Variants in ACP6 observed in about 807,000 individuals in gnomAD.
ACP6 encodes the protein acid phosphatase 6, lysophosphatidic.
In ACP6, 48 loss-of-function variants were observed where a neutral mutation model predicts 48.1. The ratio of observed to expected loss-of-function variants is 1.00; its 90% CI spans 0.79 to 1.27. The LOEUF (loss-of-function observed/expected upper bound fraction) is 1.27. Ranked by LOEUF, ACP6 falls within the 50% of genes most tolerant of loss-of-function variation. The pLI, the probability that ACP6 is intolerant of heterozygous loss-of-function variation, is 0.00. For missense variants in ACP6, 485 were observed against 529.1 expected, an observed-to-expected ratio of 0.92 and a Z score of 0.82; for synonymous variants, 172 against 204.2, an observed-to-expected ratio of 0.84 and a Z score of 1.34.
At chr1:147,637,957 C>T (rs375662143), downstream of ACP6, among the ~76,000 whole-genome samples, 30 of 152,264 alleles carry the variant, frequency 2.0e-4, no homozygotes, top group East Asian at 3.9e-4. Flanking sequence ...TTGAAAAAAA[C>T]GTGTCCAACA....
intron 1 of ACP6, among the ~76,000 whole-genome samples, chr1:147,668,085 T>C (rs1553213954): frequency 6.6e-6 from 1 of 152,204 alleles, no homozygotes; most frequent in Non-Finnish European, 1.5e-5. Flanking sequence ...AGGCTAATAT[T>C]TGCTCATAGC....
At chr1:147,652,390 C>T in intron 7 of ACP6, 59 bp downstream of exon 7, 1 of 1,528,826 alleles carries the variant, frequency 6.5e-7, no homozygotes, top group South Asian at 1.2e-5. Context: ...ACTCCTCTTC[C>T]CCATACACTT....
At chr1:147,650,014 G>T in intron 8 of ACP6, 129 bp downstream of exon 8, 1 of 688,856 alleles carries the variant, frequency 1.5e-6, no homozygotes, top group Non-Finnish European at 2.5e-6. Context: ...GACACTTGAG[G>T]CCTGTTAAAC....
chr1:147,655,292 T>G, intron 4 of ACP6, 44 bp from the exon 5 acceptor site: 1 of 1,436,288 alleles, frequency 7.0e-7, no homozygotes, highest in Non-Finnish European at 9.6e-7. Flanking sequence ...GGCTTCAGCT[T>G]GTTCTTCCCA....
At chr1:147,653,190 G>C in intron 6 of ACP6, among the ~76,000 whole-genome samples, 1 of 151,906 alleles carries the variant, frequency 6.6e-6, no homozygotes, top group East Asian at 1.9e-4. Flanking sequence ...GAATGCAGTG[G>C]CGTGATCTCG....
exon 6 of ACP6, chr1:147,630,593 C>G (rs1300042988): frequency 6.6e-6 from 1 of 152,190 alleles, no homozygotes; most frequent in Admixed American, 6.5e-5. Context: ...CCCCATGAAT[C>G]AATCTGTGAT....
chr1:147,659,153 G>T, intron 3 of ACP6, 114 bp from the exon 4 acceptor site: 1 of 1,127,008 alleles, frequency 8.9e-7, no homozygotes, highest in Non-Finnish European at 1.3e-6. Flanking sequence ...GGAGAGCTAT[G>T]GAACTAGGAA....
intron 5 of ACP6, among the ~76,000 whole-genome samples, chr1:147,636,824 G>C (rs1011160965): frequency 6.6e-6 from 1 of 152,196 alleles, no homozygotes; most frequent in Non-Finnish European, 1.5e-5. Flanking sequence ...TCTAGCTGAA[G>C]CAGAAAATCA....
At chr1:147,659,095 C>A (rs933662327) in intron 3 of ACP6, 56 bp from the exon 4 acceptor site, 2 of 1,486,022 alleles carry the variant, frequency 1.3e-6, no homozygotes, top group Admixed American at 1.8e-5. Context: ...ATTATATACA[C>A]TCTATTTTAT....
chr1:147,634,485 C>G (rs1553207771), intron 5 of ACP6, among the ~76,000 whole-genome samples: 1 of 150,546 alleles, frequency 6.6e-6, no homozygotes, highest in Non-Finnish European at 1.5e-5. Context: ...ATTTTCTTTC[C>G]TTGCCTGGGC....
At chr1:147,660,400 C>T (rs1660489142) in intron 1 of ACP6, among the ~76,000 whole-genome samples, 1 of 152,194 alleles carries the variant, frequency 6.6e-6, no homozygotes, top group Non-Finnish European at 1.5e-5. Context: ...GTTCATAAAA[C>T]TCTGACACTC....
At chr1:147,635,745 T>A in intron 5 of ACP6, among the ~76,000 whole-genome samples, 1 of 152,154 alleles carries the variant, frequency 6.6e-6, no homozygotes, top group East Asian at 1.9e-4. Context: ...TATTTCTCTA[T>A]GGGAGTGAGA....
chr1:147,643,562 A>C lies in ACP6; in HGVS notation c.*3861T>G, dbSNP rs1399940343. 6.6e-6 allele frequency: 1 copy of C among 152,244 alleles called. No individual in the cohort carries two copies. Among genetic ancestry groups the C allele is most frequent in the East Asian group, 1.9e-4 (1 of 5,196 alleles). The allele number at this position is 152,244 out of a possible 1,614,324, so 9.4% of individuals were successfully genotyped here. ...CTAGGAGAGCATTCCAGGCACAGGA[A>C]CAACAGGTGCTCACCCCGAGGTGAG... On this transcript the variant is annotated 3_prime_UTR_variant, in exon 10 of 10. Transcript: ENST00000583509.
At chr1:147,656,839 T>A (rs1387379717) in intron 4 of ACP6, among the ~76,000 whole-genome samples, 24 of 152,046 alleles carry the variant, frequency 1.6e-4, no homozygotes, top group Non-Finnish European at 1.2e-4. Context: ...AATATTTGAG[T>A]AAAAAAGAAC....
At chr1:147,647,923 A>G (rs1216883483) in intron 9 of ACP6, 2 of 484,998 alleles carry the variant, frequency 4.1e-6, no homozygotes, top group African/African-American at 3.9e-5. Context: ...CCTCCCAAAG[A>G]TACCACCAAC....
At chr1:147,662,769 T>A (rs1335117277) in intron 1 of ACP6, among the ~76,000 whole-genome samples, 1 of 152,250 alleles carries the variant, frequency 6.6e-6, no homozygotes, top group Non-Finnish European at 1.5e-5. Flanking sequence ...TTGAGAAGAT[T>A]GACTCCAATT....
intron 1 of ACP6, among the ~76,000 whole-genome samples, chr1:147,661,584 A>C (rs587694824): frequency 6.6e-6 from 1 of 152,164 alleles, no homozygotes; most frequent in Non-Finnish European, 1.5e-5. Flanking sequence ...AATGGCCTCT[A>C]AGTGTTAAGT....
Position 147,670,093 on chromosome 1 carries a change from A to G in ACP6, c.-45T>C, listed in dbSNP as rs1553214482. 1 of 1,448,182 alleles carries G rather than the reference A, an allele frequency of 6.9e-7. No individual in the cohort carries two copies. Among genetic ancestry groups the G allele is most frequent in the Non-Finnish European group, 9.1e-7 (1 of 1,092,956 alleles). 89.7% of individuals were successfully genotyped at this position (1,448,182 alleles called of 1,614,324 possible). A position where few individuals can be genotyped will look rare whatever the true frequency, so the allele number is the denominator to read the frequency against. On this transcript the variant is annotated 5_prime_UTR_variant, in exon 1 of 10. Coordinates refer to ENST00000583509, the MANE Select transcript of ACP6 (RefSeq NM_016361.5). ...CCTCCGGGTTGAGGCTGCAGGAGGCAAACACAAGTCTTCTGCGGGCGCCGG... is the reference window on the plus strand; with the variant it reads ...CCTCCGGGTTGAGGCTGCAGGAGGCGAACACAAGTCTTCTGCGGGCGCCGG...
Position 147,670,097 on chromosome 1 carries a change from A to C in ACP6, c.-49T>G. The C allele has an allele frequency of 7.0e-7, 1 of 1,433,262 alleles. No individual in the cohort carries two copies. The highest frequency in any genetic ancestry group is 1.4e-5 in the South Asian group (1 of 72,232). 88.8% of individuals were successfully genotyped at this position (1,433,262 alleles called of 1,614,324 possible). A position where few individuals can be genotyped will look rare whatever the true frequency, so the allele number is the denominator to read the frequency against. ...CGGGTTGAGGCTGCAGGAGGCAAAC[A>C]CAAGTCTTCTGCGGGCGCCGGGGCT... On this transcript the variant is annotated 5_prime_UTR_variant, in exon 1 of 10. Coordinates refer to ENST00000583509, the MANE Select transcript of ACP6 (RefSeq NM_016361.5).
Sources: allele counts gnomAD v4.1 joint callset (sites outside exome capture counted in the v4.1 genomes callset), GRCh38; gene constraint gnomAD v4.1.1; transcripts MANE v1.5; gene names NCBI Gene and HGNC (gene_info 2026-07-23, HGNC 2026-07-21).